C8orf34: variants seen among roughly 807,000 people sequenced by gnomAD.
C8orf34 encodes chromosome 8 open reading frame 34, also known as uncharacterized protein C8orf34.
A neutral mutation model predicts 68.3 loss-of-function variants in C8orf34; 65 were observed. The ratio of observed to expected loss-of-function variants is 0.95; its 90% CI spans 0.78 to 1.17. The LOEUF (loss-of-function observed/expected upper bound fraction) is 1.17, where lower values mean the gene tolerates loss of function less well. Among genes scored for constraint, C8orf34 ranks in the 50% most tolerant of loss-of-function variants. The pLI, the probability that C8orf34 is intolerant of heterozygous loss-of-function variation, is 0.00. For synonymous variants in C8orf34, 244 were observed against 241.2 expected (o/e 1.01, Z -0.11); for missense variants, 664 against 655.4 (o/e 1.01, Z -0.14).
chr8:68,403,389 TTTA>T (rs1288022368), intron 1 of C8orf34, among the ~76,000 whole-genome samples: 2 of 152,138 alleles, frequency 1.3e-5, no homozygotes, highest in African/African-American at 4.8e-5. Context: ...GTACATTCTT[TTTA>T]TTATTATTAT....
Position 68,533,145 on chromosome 8 carries a change from G to T in C8orf34, c.1101G>T (p.Leu367Phe), listed in dbSNP as rs1815320529. The T allele has an allele frequency of 6.4e-7, 1 of 1,568,668 alleles. No individual in the cohort carries two copies. Among genetic ancestry groups the T allele is most frequent in the Non-Finnish European group, 8.6e-7 (1 of 1,164,116 alleles). Residue 367 changes from leucine (L) to phenylalanine (F), a missense_variant, in exon 7 of 14, where the codon TTG (leucine) becomes TTT (phenylalanine). Physicochemically the swap from Leu to Phe is conservative, Grantham distance 22 (BLOSUM62 0). Transcript: ENST00000518698. ...DIDNEDDAMELLEDLNDLRME... is the reference protein window; with the variant it reads ...DIDNEDDAMEFLEDLNDLRME... ...ATAATGAAGATGATGCAATGGAATT[G>T]CTGGGTAATTTTAAAAATTAATAAT...
At chr8:68,700,232 C>A (rs1213915562) in intron 8 of C8orf34, among the ~76,000 whole-genome samples, 2 of 152,010 alleles carry the variant, frequency 1.3e-5, no homozygotes, top group Non-Finnish European at 2.9e-5. Flanking sequence ...GGAAATTTTT[C>A]TTGGAAAAGA....
At chr8:68,525,479 C>G in intron 6 of C8orf34, 1 of 609,900 alleles carries the variant, frequency 1.6e-6, no homozygotes, top group East Asian at 2.7e-5. Context: ...TTTTGGTTTC[C>G]CTCTGAGGCA....
chr8:68,467,988 T>G (rs1395155087), intron 3 of C8orf34, among the ~76,000 whole-genome samples: 1 of 152,006 alleles, frequency 6.6e-6, no homozygotes, highest in Non-Finnish European at 1.5e-5. Context: ...TGAAAAGCAA[T>G]TAAGTTCTTA....
At chr8:68,368,649 G>C (rs1261035783) in intron 1 of C8orf34, among the ~76,000 whole-genome samples, 1 of 152,026 alleles carries the variant, frequency 6.6e-6, no homozygotes, top group East Asian at 1.9e-4. Flanking sequence ...TCAATAGTTG[G>C]CTAAAACTTT....
intron 3 of C8orf34, among the ~76,000 whole-genome samples, chr8:68,468,042 A>G (rs948664719): frequency 6.6e-6 from 1 of 151,990 alleles, no homozygotes; most frequent in Non-Finnish European, 1.5e-5. Context: ...TGAAGCTTTA[A>G]TATTTAAATA....
intron 7 of C8orf34, among the ~76,000 whole-genome samples, chr8:68,577,451 C>T (rs1816938732): frequency 6.6e-6 from 1 of 151,606 alleles, no homozygotes; most frequent in Admixed American, 6.6e-5. Flanking sequence ...TTTTTAATTG[C>T]CTTACGTTAC....
chr8:68,370,387 G>C (rs1807507110), intron 1 of C8orf34, among the ~76,000 whole-genome samples: 1 of 152,062 alleles, frequency 6.6e-6, no homozygotes, highest in Non-Finnish European at 1.5e-5. Flanking sequence ...TGCTTCTCTG[G>C]AATCCATCAT....
intron 7 of C8orf34, among the ~76,000 whole-genome samples, chr8:68,552,360 A>C (rs917598587): frequency 6.6e-6 from 1 of 152,110 alleles, no homozygotes; most frequent in African/African-American, 2.4e-5. Context: ...TTAGATCTTT[A>C]ATTTTTTAAG....
intron 10 of C8orf34, among the ~76,000 whole-genome samples, chr8:68,756,782 A>C (rs1242036508): frequency 6.6e-6 from 1 of 152,204 alleles, no homozygotes; most frequent in Non-Finnish European, 1.5e-5. Flanking sequence ...CAGTAAATAA[A>C]TATTCTGATC....
chr8:68,624,447 A>G (rs138899342), intron 7 of C8orf34, among the ~76,000 whole-genome samples: 1 of 152,192 alleles, frequency 6.6e-6, no homozygotes, highest in African/African-American at 2.4e-5. Flanking sequence ...AGCGGTATGT[A>G]CATAAAAGCT....
At chr8:68,520,714 C>T (rs1445686171) in intron 5 of C8orf34, among the ~76,000 whole-genome samples, 1 of 151,810 alleles carries the variant, frequency 6.6e-6, no homozygotes, top group South Asian at 2.1e-4. Context: ...CTGCACACCT[C>T]GGCCTCCCAA....
At chr8:68,656,850 C>T (rs1819524079) in intron 8 of C8orf34, among the ~76,000 whole-genome samples, 1 of 152,050 alleles carries the variant, frequency 6.6e-6, no homozygotes, top group African/African-American at 2.4e-5. Flanking sequence ...TTCTTTCAGT[C>T]CTGATATTTT....
intron 7 of C8orf34, among the ~76,000 whole-genome samples, chr8:68,617,741 G>A (rs892314568): frequency 3.9e-5 from 6 of 152,048 alleles, no homozygotes; most frequent in African/African-American, 1.4e-4. Context: ...TTCAACTTTG[G>A]TGAATCTGAC....
chr8:68,783,204 C>A (rs1350046258), intron 11 of C8orf34, among the ~76,000 whole-genome samples: 1 of 152,150 alleles, frequency 6.6e-6, no homozygotes, highest in Non-Finnish European at 1.5e-5. Context: ...TGAAGGCAAC[C>A]TGCCTCCCAC....
chr8:68,456,254 T>A lies in C8orf34; in HGVS notation c.607+9794T>A, dbSNP rs545293362. 3.5e-3 allele frequency among the ~76,000 whole-genome samples: 513 copies of A among 146,124 alleles called. 2 individuals are homozygous for A. The highest frequency in any genetic ancestry group is 0.024 in the Middle Eastern group (7 of 290). On this transcript the variant is annotated intron_variant, in intron 3 of 13. Coordinates refer to ENST00000518698, the MANE Select transcript of C8orf34 (RefSeq NM_052958.4). ...CTGGGTGACAGAGCGACACTCTGTC[T>A]GAAAAAAAAAAAAATTTTCTGTCTA...
intron 11 of C8orf34, among the ~76,000 whole-genome samples, chr8:68,784,802 A>ATGTG (rs113788548): frequency 0.061 from 8,868 of 144,410 alleles, 476 homozygotes; most frequent in East Asian, 0.3. Context: ...ATGTGTGTGT[A>ATGTG]TGTGTGTGTG....
chr8:68,573,855 A>G (rs188083078), intron 7 of C8orf34, among the ~76,000 whole-genome samples: 2 of 152,318 alleles, frequency 1.3e-5, no homozygotes, highest in East Asian at 1.9e-4. Context: ...GTATTAGACT[A>G]TCAAAAGTAC....
Position 68,618,306 on chromosome 8 carries a change from C to T in C8orf34, c.1106-22070C>T, listed in dbSNP as rs558617877. ...TTTGCTCTCCCATTTTCCTCTTTCC[C>T]ATTTCTTTATCTAAATATAGTTCTT... On this transcript the variant is annotated intron_variant, in intron 7 of 13. Coordinates refer to ENST00000518698, the MANE Select transcript of C8orf34 (RefSeq NM_052958.4). Among the ~76,000 whole-genome samples the T allele has an allele frequency of 3.3e-5, 5 of 152,124 alleles. No homozygotes were observed. In the South Asian group the frequency reaches 1.0e-3, roughly 32 times the overall value.
Sources: gnomAD v4.1 joint callset for allele counts (sites outside exome capture counted in the v4.1 genomes callset) on GRCh38, gnomAD v4.1.1 for gene constraint, MANE v1.5 for transcripts, NCBI Gene and HGNC (gene_info 2026-07-23, HGNC 2026-07-21) for gene names.